The following SEMA6D variants were observed in gnomAD, a reference collection of about 807,000 sequenced individuals.
The protein encoded by SEMA6D is semaphorin-6D.
SEMA6D carries 35 observed loss-of-function variants against 106.6 expected under a neutral mutation model. That is an observed-to-expected ratio of 0.33 (90% CI 0.25 to 0.44). The LOEUF is 0.44. SEMA6D is among the 20% of genes least tolerant of loss of function. The probability of loss-of-function intolerance (pLI) is 1.00; values close to 1 mark genes in which losing one functional copy is unlikely to be tolerated. For synonymous variants in SEMA6D, 499 were observed against 487.7 expected (o/e 1.02, Z -0.31); for missense variants, 1,185 against 1,345.9 (o/e 0.88, Z 1.87).
At chr15:47,494,741 G>GATAGATATATATATAT (rs1197901780) in intron 3 of SEMA6D, among the ~76,000 whole-genome samples, 3 of 32,974 alleles carry the variant, frequency 9.1e-5, no homozygotes, top group African/African-American at 2.0e-4. Flanking sequence ...GTGGGATGGA[G>GATAGATATATATATAT]ATATATATAT....
At chr15:47,671,223 C>T (rs2078130287) in intron 4 of SEMA6D, among the ~76,000 whole-genome samples, 2 of 152,094 alleles carry the variant, frequency 1.3e-5, no homozygotes, top group African/African-American at 4.8e-5. Context: ...AAAATACGTA[C>T]CATTTTGTTT....
chr15:47,432,909 T>C (rs1160343061), intron 2 of SEMA6D, among the ~76,000 whole-genome samples: 1 of 152,142 alleles, frequency 6.6e-6, no homozygotes, highest in Non-Finnish European at 1.5e-5. Flanking sequence ...AACTACACTG[T>C]CAGTAATTCA....
rs56345741 is a variant in SEMA6D at position 47,772,813 on chromosome 15, A to C, written c.*1028A>C. ...TGATTGTGTTCGTTTCCCCCCCCCC[A>C]ATAGTAAAATTTCTCCTCCTTTAAC... On this transcript the variant is annotated 3_prime_UTR_variant, in exon 19 of 19. Coordinates refer to ENST00000536845, the MANE Select transcript of SEMA6D (RefSeq NM_001358351.3). 0.28 allele frequency: 23,993 copies of C among 86,518 alleles called. 2,861 individuals are homozygous for C. The highest frequency in any genetic ancestry group is 0.4 in the Middle Eastern group (62 of 154). The allele number at this position is 86,518 out of a possible 1,614,324, so 5.4% of individuals were successfully genotyped here. A position where few individuals can be genotyped will look rare whatever the true frequency, so the allele number is the denominator to read the frequency against.
intron 1 of SEMA6D, among the ~76,000 whole-genome samples, chr15:47,376,667 A>G (rs1421132190): frequency 2.6e-5 from 4 of 152,192 alleles, no homozygotes; most frequent in Admixed American, 1.3e-4. Context: ...TACCCAGACA[A>G]TGGGAAGCTG....
At chr15:47,191,832 A>G (rs1465421219) in intron 1 of SEMA6D, among the ~76,000 whole-genome samples, 1 of 152,176 alleles carries the variant, frequency 6.6e-6, no homozygotes, top group Non-Finnish European at 1.5e-5. Flanking sequence ...CAGGTGACGA[A>G]GCAGTAGATA....
rs1219759915 is a variant in SEMA6D at position 47,367,692 on chromosome 15, G to GCGCGCA, written c.-238-44700_-238-44699insGCGCAC. On this transcript the variant is annotated intron_variant, in intron 1 of 19. Transcript: ENST00000558014. ...CGCACGCTCACACGCGCGCGCGCGC[G>GCGCGCA]CACACACACACACACACACACACAC... 1.8e-3 allele frequency among the ~76,000 whole-genome samples: 132 copies of GCGCGCA among 73,494 alleles called. 1 individual carries two copies. The highest frequency in any genetic ancestry group is 5.3e-3 in the African/African-American group (129 of 24,394). The allele number at this position is 73,494 out of a possible 152,430, so 48.2% of individuals were successfully genotyped here.
At chr15:47,752,605 C>G (rs377324981) in intron 1 of SEMA6D, among the ~76,000 whole-genome samples, 7 of 152,218 alleles carry the variant, frequency 4.6e-5, no homozygotes, top group African/African-American at 1.7e-4. Flanking sequence ...CGCTGATGGA[C>G]AGTACTTAAA....
intron 4 of SEMA6D, among the ~76,000 whole-genome samples, chr15:47,625,653 A>C (rs1206707772): frequency 6.6e-6 from 1 of 151,848 alleles, no homozygotes; most frequent in Non-Finnish European, 1.5e-5. Flanking sequence ...GAGGATCGCT[A>C]TACCCCAGCC....
rs76330114 is a variant in SEMA6D, at chr15:47,688,288, T to C, written c.-54-71457T>C. 2.2e-4 allele frequency among the ~76,000 whole-genome samples: 34 copies of C among 152,244 alleles called. No individual in the cohort carries two copies. In the East Asian group the frequency reaches 6.6e-3, roughly 29 times the overall value. On this transcript the variant is annotated intron_variant, in intron 4 of 19. Transcript: ENST00000558014. ...AGGTCATGCTGAGCATCATACTGAC[T>C]ATTGGGTGCCATACTAGAAGCAGCT...
chr15:47,591,974 T>C (rs2076448096), intron 3 of SEMA6D, among the ~76,000 whole-genome samples: 1 of 152,112 alleles, frequency 6.6e-6, no homozygotes, highest in Non-Finnish European at 1.5e-5. Context: ...GACCCCAGCA[T>C]CTGTCATTGT....
intron 4 of SEMA6D, among the ~76,000 whole-genome samples, chr15:47,606,901 A>G (rs893703065): frequency 1.3e-5 from 2 of 152,166 alleles, no homozygotes; most frequent in Admixed American, 6.5e-5. Flanking sequence ...ACCTCTGGCA[A>G]TGGAGAGATG....
Position 47,659,471 on chromosome 15 carries a change from TA to T in SEMA6D, c.-55+58583del, listed in dbSNP as rs560281934. Among the ~76,000 whole-genome samples, 27 of 151,872 alleles carry T rather than the reference TA, an allele frequency of 1.8e-4. No individual in the cohort carries two copies. In the South Asian group the frequency reaches 3.9e-3, roughly 22 times the overall value. ...ACAGATAGATATATGAATCAAATGT[TA>T]AAAAAAATTAAAGTATTATAAGAAT... On this transcript the variant is annotated intron_variant, in intron 4 of 19. Transcript: ENST00000558014.
intron 1 of SEMA6D, among the ~76,000 whole-genome samples, chr15:47,758,417 A>G (rs190708900): frequency 2.7e-4 from 41 of 152,088 alleles, no homozygotes; most frequent in Admixed American, 2.6e-3. Context: ...TGTTCAGAAC[A>G]GTAGCTGCAA....
chr15:47,282,716 G>C (rs2035182459), intron 1 of SEMA6D, among the ~76,000 whole-genome samples: 1 of 152,134 alleles, frequency 6.6e-6, no homozygotes, highest in South Asian at 2.1e-4. Flanking sequence ...TTAGTGTGGG[G>C]CACTATACTG....
chr15:47,761,776 A>G (rs944441255), intron 7 of SEMA6D, 25 bp downstream of exon 7: 7 of 1,541,800 alleles, frequency 4.5e-6, no homozygotes, highest in Admixed American at 3.7e-5. Flanking sequence ...CGTAATGAAT[A>G]TAAATGATTA....
chr15:47,302,278 T>C (rs1045103287), intron 1 of SEMA6D, among the ~76,000 whole-genome samples: 74 of 152,142 alleles, frequency 4.9e-4, no homozygotes, highest in African/African-American at 1.8e-3. Context: ...TCCTAGAAAA[T>C]AGTTTTTATT....
chr15:47,305,018 A>G (rs1595690193), intron 1 of SEMA6D, among the ~76,000 whole-genome samples: 1 of 152,364 alleles, frequency 6.6e-6, no homozygotes, highest in South Asian at 2.1e-4. Flanking sequence ...TTGTTATATT[A>G]GCACCTGTTT....
At chr15:47,408,690 CA>C (rs2040680687) in intron 1 of SEMA6D, among the ~76,000 whole-genome samples, 1 of 152,148 alleles carries the variant, frequency 6.6e-6, no homozygotes, top group South Asian at 2.1e-4. Context: ...TAGGTATTGA[CA>C]CAATGAGGAA....
intron 1 of SEMA6D, among the ~76,000 whole-genome samples, chr15:47,382,942 A>AT (rs150216329): frequency 0.64 from 97,003 of 151,914 alleles, 32,765 homozygotes; most frequent in South Asian, 0.76. Flanking sequence ...TAATTTTTGT[A>AT]TTTTAATAGA....
Sources: allele counts gnomAD v4.1 joint callset (sites outside exome capture counted in the v4.1 genomes callset), GRCh38; gene constraint gnomAD v4.1.1; transcripts MANE v1.5; gene names NCBI Gene and HGNC (gene_info 2026-07-23, HGNC 2026-07-21).